The following NKAIN3 variants were observed in gnomAD, a reference collection of about 807,000 sequenced individuals.
NKAIN3 encodes sodium/potassium-transporting ATPase subunit beta-1-interacting protein 3.
NKAIN3 carries 25 observed loss-of-function variants against 30.2 expected under a neutral mutation model. That is an observed-to-expected ratio of 0.83 (90% CI 0.60 to 1.16). The LOEUF (loss-of-function observed/expected upper bound fraction) is 1.16, where lower values mean the gene tolerates loss of function less well. NKAIN3 is among the 50% of genes most tolerant of loss of function. NKAIN3 has a pLI of 0.00. For missense variants in NKAIN3, 225 were observed against 254.1 expected, an observed-to-expected ratio of 0.89 and a Z score of 0.78; for synonymous variants, 91 against 89.6, an observed-to-expected ratio of 1.02 and a Z score of -0.09.
intron 3 of NKAIN3, among the ~76,000 whole-genome samples, chr8:62,688,669 G>A: frequency 6.6e-6 from 1 of 151,910 alleles, no homozygotes; most frequent in Non-Finnish European, 1.5e-5. Flanking sequence ...TATAAAGAGA[G>A]CACATGCAAC....
chr8:62,616,291 A>G (rs552995541), intron 3 of NKAIN3, among the ~76,000 whole-genome samples: 2 of 152,220 alleles, frequency 1.3e-5, no homozygotes, highest in South Asian at 4.2e-4. Context: ...CATTCCAGCT[A>G]CAAATGGGGT....
intron 1 of NKAIN3, among the ~76,000 whole-genome samples, chr8:62,534,658 T>C (rs1298993377): frequency 6.6e-6 from 1 of 152,136 alleles, no homozygotes; most frequent in African/African-American, 2.4e-5. Context: ...CCCCAGACTT[T>C]CCTTCTGTAA....
intron 4 of NKAIN3, among the ~76,000 whole-genome samples, chr8:62,770,624 G>A (rs1195855503): frequency 6.6e-6 from 1 of 152,134 alleles, no homozygotes; most frequent in Non-Finnish European, 1.5e-5. Flanking sequence ...TGGCGGTTAG[G>A]ATTTTAACAT....
At chr8:62,568,259 A>G (rs1369626525) in intron 1 of NKAIN3, among the ~76,000 whole-genome samples, 1 of 152,204 alleles carries the variant, frequency 6.6e-6, no homozygotes. Flanking sequence ...GTCAGAGCAT[A>G]AATACACTAA....
At chr8:62,369,762 G>GTT (rs941571134) in intron 1 of NKAIN3, among the ~76,000 whole-genome samples, 204 of 145,064 alleles carry the variant, frequency 1.4e-3, no homozygotes, top group African/African-American at 4.5e-3. Flanking sequence ...CAAGTCTGTT[G>GTT]TTTTTTTTTT....
At chr8:62,926,115 C>G (rs574745566) in intron 5 of NKAIN3, among the ~76,000 whole-genome samples, 4 of 152,198 alleles carry the variant, frequency 2.6e-5, no homozygotes, top group African/African-American at 9.6e-5. Flanking sequence ...AATGAGGGAG[C>G]AGAGTACCAA....
chr8:62,442,351 G>A (rs530107569), intron 1 of NKAIN3, among the ~76,000 whole-genome samples: 2 of 151,912 alleles, frequency 1.3e-5, no homozygotes, highest in East Asian at 3.9e-4. Flanking sequence ...AATGTATTCT[G>A]TTTTAGATTT....
intron 1 of NKAIN3, among the ~76,000 whole-genome samples, chr8:62,491,910 A>C (rs1256587628): frequency 3.3e-5 from 5 of 152,134 alleles, no homozygotes; most frequent in Admixed American, 3.3e-4. Context: ...AGATGAAAAA[A>C]TGTGACTGTT....
intron 3 of NKAIN3, among the ~76,000 whole-genome samples, chr8:62,708,755 T>C (rs1054555995): frequency 6.6e-6 from 1 of 152,210 alleles, no homozygotes; most frequent in African/African-American, 2.4e-5. Context: ...CTTCCAGTAC[T>C]ATGTTGAAGA....
intron 4 of NKAIN3, among the ~76,000 whole-genome samples, chr8:62,905,384 G>A (rs1411644552): frequency 6.6e-6 from 1 of 152,096 alleles, no homozygotes; most frequent in Non-Finnish European, 1.5e-5. Context: ...TTGTTACTGA[G>A]TACCTACCTC....
chr8:62,957,193 G>A (rs906866311), intron 6 of NKAIN3, among the ~76,000 whole-genome samples: 8 of 151,948 alleles, frequency 5.3e-5, no homozygotes, highest in African/African-American at 1.9e-4. Context: ...GAGTGCAGTG[G>A]CACTATCTCG....
chr8:62,650,417 A>C (rs1194526866), intron 3 of NKAIN3, among the ~76,000 whole-genome samples: 2 of 152,198 alleles, frequency 1.3e-5, no homozygotes, highest in African/African-American at 4.8e-5. Flanking sequence ...GCATCAGTTA[A>C]AGCAGGCAGT....
At chr8:62,760,742 A>G (rs7845113) in intron 4 of NKAIN3, among the ~76,000 whole-genome samples, 130,503 of 148,486 alleles carry the variant, frequency 0.88, 57,404 homozygotes, top group Admixed American at 0.9. Flanking sequence ...AAACCTGCAC[A>G]TTGTGCACAT....
At chr8:62,680,926 A>G (rs1813626646) in intron 3 of NKAIN3, among the ~76,000 whole-genome samples, 1 of 152,244 alleles carries the variant, frequency 6.6e-6, no homozygotes, top group African/African-American at 2.4e-5. Context: ...TAGTGAATCG[A>G]GCAACCTCAT....
intron 1 of NKAIN3, among the ~76,000 whole-genome samples, chr8:62,441,823 T>C (rs1036825303): frequency 6.6e-6 from 1 of 152,026 alleles, no homozygotes; most frequent in Non-Finnish European, 1.5e-5. Context: ...TCTCATCCCC[T>C]CCTTTAAAAA....
At chr8:62,562,928 C>G (rs1809633552) in intron 1 of NKAIN3, among the ~76,000 whole-genome samples, 1 of 151,974 alleles carries the variant, frequency 6.6e-6, no homozygotes, top group African/African-American at 2.4e-5. Context: ...GGCCCGTAAC[C>G]CTGTCTCCTG....
intron 1 of NKAIN3, among the ~76,000 whole-genome samples, chr8:62,529,373 C>CT (rs1173039679): frequency 6.6e-6 from 1 of 152,070 alleles, no homozygotes; most frequent in Non-Finnish European, 1.5e-5. Context: ...TTGAATGAAT[C>CT]TTTTTTTCCT....
At chr8:62,937,519 A>G (rs1229578337) in intron 5 of NKAIN3, among the ~76,000 whole-genome samples, 1 of 152,068 alleles carries the variant, frequency 6.6e-6, no homozygotes, top group Non-Finnish European at 1.5e-5. Context: ...AGAGCCCTGT[A>G]AGGACTCCTC....
intron 3 of NKAIN3, among the ~76,000 whole-genome samples, chr8:62,678,375 G>T (rs1813543216): frequency 6.6e-6 from 1 of 152,158 alleles, no homozygotes; most frequent in South Asian, 2.1e-4. Flanking sequence ...AAAAACTGTA[G>T]ATTGAGCTTA....
Sources: allele counts gnomAD v4.1 joint callset (sites outside exome capture counted in the v4.1 genomes callset), GRCh38; gene constraint gnomAD v4.1.1; transcripts MANE v1.5; gene names NCBI Gene and HGNC (gene_info 2026-07-23, HGNC 2026-07-21).